C12orf76: variants seen among roughly 807,000 people sequenced by gnomAD.
C12orf76 encodes uncharacterized protein C12orf76.
A neutral mutation model predicts 6.8 loss-of-function variants in C12orf76; 6 were observed. That is an observed-to-expected ratio of 0.88 (90% CI 0.48 to 1.73). The LOEUF (loss-of-function observed/expected upper bound fraction) is 1.73, where lower values mean the gene tolerates loss of function less well. Among genes scored for constraint, C12orf76 ranks in the 40% most tolerant of loss-of-function variants. The probability of loss-of-function intolerance (pLI) is 0.01; values close to 1 mark genes in which losing one functional copy is unlikely to be tolerated. For missense variants in C12orf76, 99 were observed against 98.2 expected (o/e 1.01, Z -0.03); for synonymous variants, 56 against 43.7 (o/e 1.28, Z -1.11).
At chr12:110,064,314 G>A (rs1446494738) in intron 2 of C12orf76, among the ~76,000 whole-genome samples, 1 of 152,194 alleles carries the variant, frequency 6.6e-6, no homozygotes, top group African/African-American at 2.4e-5. Context: ...CTAGCTGCAA[G>A]GGAACCTGGG....
intron 4 of C12orf76, chr12:110,057,177 T>A: frequency 1.3e-6 from 2 of 1,589,278 alleles, no homozygotes; most frequent in Non-Finnish European, 1.7e-6. Context: ...TAAGTGACTT[T>A]CGCAGACTTA....
intron 2 of C12orf76, among the ~76,000 whole-genome samples, chr12:110,063,183 GC>G (rs1429882703): frequency 1.4e-5 from 2 of 147,302 alleles, no homozygotes; most frequent in East Asian, 4.2e-4. Context: ...CAAGTGATCC[GC>G]CCGCCTCAGC....
upstream of C12orf76, among the ~76,000 whole-genome samples, chr12:110,053,434 G>T (rs1228001946): frequency 6.6e-6 from 1 of 152,202 alleles, no homozygotes; most frequent in Non-Finnish European, 1.5e-5. Flanking sequence ...GGGAGGCAAA[G>T]GTTGCAGTGA....
upstream of C12orf76, chr12:110,050,645 C>T (rs1167350402): frequency 3.7e-6 from 1 of 267,942 alleles, no homozygotes; most frequent in Non-Finnish European, 7.2e-6. Context: ...CAGGAAGTTA[C>T]CCTATATGGT....
chr12:110,059,274 T>C (rs1892729368), intron 2 of C12orf76: 1 of 1,269,080 alleles, frequency 7.9e-7, no homozygotes. Context: ...TCTTGTGAAT[T>C]CTTCGGGATT....
rs778579653 is a variant in C12orf76 at position 110,054,505 on chromosome 12, T to A, written n.664+2684A>T. Among the ~76,000 whole-genome samples the A allele has an allele frequency of 1.3e-5, 2 of 152,078 alleles. No homozygotes were observed. The highest frequency in any genetic ancestry group is 2.9e-5 in the Non-Finnish European group (2 of 68,012). On this transcript the variant is annotated intron_variant and non_coding_transcript_variant, in intron 4 of 4. Coordinates refer to the C12orf76 transcript ENST00000309050. The surrounding 1 kb of genome is among the most constrained non-coding windows in gnomAD (Gnocchi z 4.4). ...ATATGAAATACCCAGAATAGGTAAA[T>A]CCATAGAGACAGAGAGTAGATTGGT...
chr12:110,056,334 C>T (rs1363308661), intron 4 of C12orf76, among the ~76,000 whole-genome samples: 1 of 152,162 alleles, frequency 6.6e-6, no homozygotes, highest in African/African-American at 2.4e-5. Flanking sequence ...CTCCCTAACC[C>T]CAATGACCTT....
upstream of C12orf76, among the ~76,000 whole-genome samples, chr12:110,052,197 T>A (rs570286164): frequency 1.1e-4 from 16 of 150,758 alleles, no homozygotes; most frequent in South Asian, 1.5e-3. Flanking sequence ...TGCCCGGCCT[T>A]CTTTTTTTTT....
At chr12:110,068,480 G>A (rs959117322), upstream of C12orf76, among the ~76,000 whole-genome samples, 1 of 152,076 alleles carries the variant, frequency 6.6e-6, no homozygotes, top group Non-Finnish European at 1.5e-5. Context: ...CCCCTTTGAG[G>A]CTTTGTGGTT....
At chr12:110,056,845 C>T (rs573958382) in intron 4 of C12orf76, 4 of 220,258 alleles carry the variant, frequency 1.8e-5, no homozygotes, top group South Asian at 7.5e-5. Context: ...CCACGTAAGA[C>T]GTACTTTTCA....
chr12:110,065,520 C>G (rs956712876), intron 2 of C12orf76, among the ~76,000 whole-genome samples: 22 of 152,220 alleles, frequency 1.4e-4, no homozygotes, highest in Non-Finnish European at 1.5e-5. Context: ...CTCAGGAATC[C>G]GGAGCCATCC....
At chr12:110,071,171 A>T (rs1444886975), upstream of C12orf76, among the ~76,000 whole-genome samples, 1 of 152,218 alleles carries the variant, frequency 6.6e-6, no homozygotes, top group Non-Finnish European at 1.5e-5. Context: ...ATAAAAACTA[A>T]CACTTAATAA....
rs1054695366 is a variant in C12orf76, at chr12:110,057,127, A to T, written n.664+62T>A. The T allele has an allele frequency of 3.5e-5, 40 of 1,154,420 alleles. No individual in the cohort carries two copies. In the East Asian group the frequency reaches 8.9e-4, roughly 26 times the overall value. The allele number at this position is 1,154,420 out of a possible 1,614,324, so 71.5% of individuals were successfully genotyped here. On this transcript the variant is annotated intron_variant and non_coding_transcript_variant, in intron 4 of 4. Coordinates refer to the C12orf76 transcript ENST00000309050. ...AGATGGAGACGAAGGTGTCCACCAT[A>T]AAGTTGTTCTTCAGAGTCCCAATCC...
intron 2 of C12orf76, among the ~76,000 whole-genome samples, chr12:110,064,042 G>A (rs539095097): frequency 5.3e-5 from 8 of 152,256 alleles, no homozygotes; most frequent in East Asian, 1.9e-4. Context: ...AGTTTCCACC[G>A]CTGTGTAACA....
At chr12:110,050,788 T>C (rs1892561534), upstream of C12orf76, 7 of 587,014 alleles carry the variant, frequency 1.2e-5, no homozygotes, top group Non-Finnish European at 1.5e-5. Flanking sequence ...TCCACTACTT[T>C]ATTAATAAAC....
Position 110,067,157 on chromosome 12 carries a change from C to T in C12orf76, n.206+333G>A, listed in dbSNP as rs141261509. Among the ~76,000 whole-genome samples the T allele has an allele frequency of 8.5e-5, 13 of 152,336 alleles. No homozygotes were observed. In the East Asian group the frequency reaches 1.9e-3, roughly 23 times the overall value. Reference sequence around the variant, plus strand: ...TTACAATCTTCCCATGGCTTCTCAACTCACTCGGAATAAAATCTAAAGAAT... The same window carrying T: ...TTACAATCTTCCCATGGCTTCTCAATTCACTCGGAATAAAATCTAAAGAAT... On this transcript the variant is annotated intron_variant and non_coding_transcript_variant, in intron 1 of 4. Transcript: ENST00000309050.
chr12:110,067,695 T>A, exon 1 of C12orf76: 1 of 376,074 alleles, frequency 2.7e-6, no homozygotes, highest in Non-Finnish European at 3.7e-6. Context: ...ATCTTCTCCC[T>A]ATTTCCTGCC....
upstream of C12orf76, chr12:110,051,070 T>G (rs780021265): frequency 5.1e-6 from 4 of 780,316 alleles, no homozygotes; most frequent in Non-Finnish European, 9.6e-6. Flanking sequence ...CTCCACGATC[T>G]CCTCTTTCAC....
intron 4 of C12orf76, among the ~76,000 whole-genome samples, chr12:110,056,298 C>T (rs887799522): frequency 5.9e-5 from 9 of 152,212 alleles, no homozygotes; most frequent in Admixed American, 4.6e-4. Flanking sequence ...TAGGTTTAAT[C>T]CCTGAATGAA....
Sources: gnomAD v4.1 joint callset for allele counts (sites outside exome capture counted in the v4.1 genomes callset) on GRCh38, gnomAD v4.1.1 for gene constraint, Gnocchi (gnomAD v3.1) non-coding constraint, MANE v1.5 for transcripts, NCBI Gene and HGNC (gene_info 2026-07-23, HGNC 2026-07-21) for gene names.